Variants in DSCAM observed in about 807,000 individuals in gnomAD.
DSCAM encodes DS cell adhesion molecule.
In DSCAM, 47 loss-of-function variants were observed where a neutral mutation model predicts 217.7. That is an observed-to-expected ratio of 0.22 (90% CI 0.17 to 0.28). The LOEUF is 0.28. DSCAM is among the 10% of genes least tolerant of loss of function. The pLI, the probability that DSCAM is intolerant of heterozygous loss-of-function variation, is 1.00. For missense variants in DSCAM, 2,080 were observed against 2,618.3 expected (o/e 0.79, Z 4.49); for synonymous variants, 1,056 against 1,015.3 (o/e 1.04, Z -0.76).
chr21:40,596,771 A>G (rs1184249982), intron 3 of DSCAM, among the ~76,000 whole-genome samples: 1 of 152,194 alleles, frequency 6.6e-6, no homozygotes, highest in Non-Finnish European at 1.5e-5. Flanking sequence ...AATGATTTTT[A>G]TGTGATCTAC....
intron 3 of DSCAM, among the ~76,000 whole-genome samples, chr21:40,519,306 T>C (rs971923516): frequency 6.6e-6 from 1 of 152,174 alleles, no homozygotes; most frequent in Non-Finnish European, 1.5e-5. Context: ...ATGGTTAACA[T>C]CTACAATCCA....
chr21:40,780,423 G>GTGTATATATA (rs1007015659), intron 1 of DSCAM, among the ~76,000 whole-genome samples: 5 of 56,418 alleles, frequency 8.9e-5, no homozygotes, highest in African/African-American at 3.8e-4. Flanking sequence ...GTGTGTGTGT[G>GTGTATATATA]TATATATATA....
At chr21:40,135,892 C>T (rs1409036900) in intron 18 of DSCAM, among the ~76,000 whole-genome samples, 1 of 152,206 alleles carries the variant, frequency 6.6e-6, no homozygotes, top group Non-Finnish European at 1.5e-5. Flanking sequence ...CCTCACATGC[C>T]AGAGAGCCCC....
chr21:40,358,566 G>T (rs2074721445), intron 4 of DSCAM, among the ~76,000 whole-genome samples: 1 of 152,076 alleles, frequency 6.6e-6, no homozygotes, highest in Non-Finnish European at 1.5e-5. Flanking sequence ...CAGCACTCTG[G>T]GAGGCCGAGG....
At chr21:40,045,787 G>A (rs908323978) in intron 30 of DSCAM, among the ~76,000 whole-genome samples, 1 of 152,148 alleles carries the variant, frequency 6.6e-6, no homozygotes, top group African/African-American at 2.4e-5. Context: ...AGTTTCAAAG[G>A]AGCAAAACTG....
intron 3 of DSCAM, among the ~76,000 whole-genome samples, chr21:40,452,193 T>C (rs1018482733): frequency 6.6e-6 from 1 of 151,414 alleles, no homozygotes; most frequent in African/African-American, 2.4e-5. Flanking sequence ...CAGAGCACTA[T>C]ATAATATCTA....
At chr21:40,167,132 G>C in intron 16 of DSCAM, 86 bp downstream of exon 16, 1 of 1,178,806 alleles carries the variant, frequency 8.5e-7, no homozygotes, top group Non-Finnish European at 1.2e-6. Context: ...TAAAATTCGA[G>C]AGTCTTGGTG....
At position 40,559,331 on chromosome 21, in the gene DSCAM, G is replaced by T. The variant is rs1601743914; in HGVS notation, c.508+133479C>A. Among the ~76,000 whole-genome samples the T allele has an allele frequency of 2.0e-5, 3 of 152,144 alleles. No individual in the cohort carries two copies. In the South Asian group the frequency reaches 6.2e-4, roughly 32 times the overall value. On this transcript the variant is annotated intron_variant, in intron 3 of 32. Transcript: ENST00000400454. ...AAATTAGCCGGGCGCGGTGGCGGGC[G>T]CCTGTAGTCCCAGCTACTGGGGAGG...
In DSCAM at chr21:40,453,695, T is replaced by C. The variant is rs74702962; in HGVS notation, c.509-84450A>G. 2.3e-4 allele frequency among the ~76,000 whole-genome samples: 35 copies of C among 152,310 alleles called. No homozygotes were observed. The East Asian group carries it at 6.4e-3, about 28-fold the overall frequency. On this transcript the variant is annotated intron_variant, in intron 3 of 32. Transcript: ENST00000400454. The stretch of plus-strand genomic sequence containing the variant: ...AACATCAAAGTGCTACAACTCTTCT[T>C]TTAAGAACAGATAATATTCAATTAA...
intron 8 of DSCAM, among the ~76,000 whole-genome samples, chr21:40,332,295 G>C (rs1428317320): frequency 6.6e-6 from 1 of 152,126 alleles, no homozygotes; most frequent in African/African-American, 2.4e-5. Context: ...TTATTCTTCT[G>C]AGAGTCACCA....
chr21:40,105,181 G>A (rs1477634912), intron 20 of DSCAM, among the ~76,000 whole-genome samples: 5 of 152,086 alleles, frequency 3.3e-5, no homozygotes, highest in Admixed American at 2.6e-4. Context: ...CTTGAGTATA[G>A]GCCATCTGCA....
At chr21:40,703,034 T>A (rs2410287) in intron 2 of DSCAM, among the ~76,000 whole-genome samples, 20,334 of 152,206 alleles carry the variant, frequency 0.13, 1,440 homozygotes, top group Admixed American at 0.19. Context: ...TGCAATTTTT[T>A]AAAAAATCTG....
chr21:40,062,954 T>A, intron 27 of DSCAM, 55 bp from the exon 28 acceptor site: 1 of 1,499,144 alleles, frequency 6.7e-7, no homozygotes, highest in Non-Finnish European at 9.0e-7. Context: ...AACATTCACT[T>A]AGGCATTTAT....
chr21:40,144,219 C>G lies in DSCAM; in HGVS notation c.3259+272G>C, dbSNP rs1315368048. The stretch of plus-strand genomic sequence containing the variant: ...AATAGAGAGAGCCTTGTTTTCACTC[C>G]AGAAAAGCCCAATTCTTGTACCTGA... On this transcript the variant is annotated intron_variant, in intron 17 of 32. Transcript: ENST00000400454. The surrounding 1 kb of genome is among the most constrained non-coding windows in gnomAD (Gnocchi z 4.8). 6.6e-6 allele frequency among the ~76,000 whole-genome samples: 1 copy of G among 152,214 alleles called. No individual in the cohort carries two copies.
chr21:40,384,374 T>C (rs1224774540), intron 3 of DSCAM, among the ~76,000 whole-genome samples: 1 of 151,976 alleles, frequency 6.6e-6, no homozygotes, highest in Admixed American at 6.6e-5. Context: ...TTGGGAGGCC[T>C]AGGTGGGTGG....
chr21:40,439,697 G>A (rs2075614014), intron 3 of DSCAM, among the ~76,000 whole-genome samples: 1 of 152,124 alleles, frequency 6.6e-6, no homozygotes, highest in Non-Finnish European at 1.5e-5. Context: ...ACGTGGCTGG[G>A]GAGCCCTCAC....
intron 2 of DSCAM, among the ~76,000 whole-genome samples, chr21:40,706,180 CAA>C (rs560131166): frequency 2.8e-4 from 28 of 99,442 alleles, no homozygotes; most frequent in Non-Finnish European, 3.5e-4. Flanking sequence ...ACTCCAGTCT[CAA>C]AAAAAAAAAA....
At chr21:40,624,702 G>T (rs936512938) in intron 3 of DSCAM, among the ~76,000 whole-genome samples, 4 of 152,034 alleles carry the variant, frequency 2.6e-5, no homozygotes, top group Admixed American at 2.6e-4. Flanking sequence ...ATAGAAGTCA[G>T]GCCAAAAAAG....
chr21:40,075,009 G>C, intron 27 of DSCAM, 28 bp downstream of exon 27: 2 of 1,612,092 alleles, frequency 1.2e-6, no homozygotes, highest in Admixed American at 1.7e-5. Flanking sequence ...GGGGACACGC[G>C]TAGGTGGACA....
Sources: gnomAD v4.1 joint callset for allele counts (sites outside exome capture counted in the v4.1 genomes callset) on GRCh38, gnomAD v4.1.1 for gene constraint, Gnocchi (gnomAD v3.1) non-coding constraint, MANE v1.5 for transcripts, NCBI Gene and HGNC (gene_info 2026-07-23, HGNC 2026-07-21) for gene names.